The following FGF12 variants were observed in gnomAD, a reference collection of about 807,000 sequenced individuals.
The protein encoded by FGF12 is fibroblast growth factor 12.
A neutral mutation model predicts 23.6 loss-of-function variants in FGF12; 14 were observed. The observed-to-expected ratio is 0.59, with a 90% CI of 0.39 to 0.93. The LOEUF is 0.93. Ranked by LOEUF, FGF12 falls within the 40% of genes least tolerant of loss-of-function variation. The pLI is 0.00. For missense variants in FGF12, 175 were observed against 217.8 expected, an observed-to-expected ratio of 0.80 and a Z score of 1.24; for synonymous variants, 62 against 77.3, an observed-to-expected ratio of 0.80 and a Z score of 1.04.
At chr3:192,704,240 C>G (rs776404237) in intron 2 of FGF12, among the ~76,000 whole-genome samples, 12 of 152,118 alleles carry the variant, frequency 7.9e-5, no homozygotes, top group Non-Finnish European at 5.9e-5. Context: ...CATAATTACT[C>G]TTTGATCCAT....
chr3:192,703,093 T>G (rs1290655796), intron 2 of FGF12, among the ~76,000 whole-genome samples: 1 of 152,206 alleles, frequency 6.6e-6, no homozygotes, highest in Non-Finnish European at 1.5e-5. Flanking sequence ...TGTTTTTATA[T>G]TCCCTCTATC....
At chr3:192,503,893 T>C (rs1724212252) in intron 2 of FGF12, among the ~76,000 whole-genome samples, 1 of 152,162 alleles carries the variant, frequency 6.6e-6, no homozygotes, top group Non-Finnish European at 1.5e-5. Context: ...TATGCATGTA[T>C]ATGTTCATTG....
intron 5 of FGF12, among the ~76,000 whole-genome samples, chr3:192,162,368 A>G (rs1380193306): frequency 6.6e-6 from 1 of 152,140 alleles, no homozygotes; most frequent in Non-Finnish European, 1.5e-5. Context: ...TAACGTTGTG[A>G]ACAAAAGCGT....
At chr3:192,221,515 C>T (rs1170325996) in intron 4 of FGF12, among the ~76,000 whole-genome samples, 2 of 152,154 alleles carry the variant, frequency 1.3e-5, no homozygotes, top group African/African-American at 2.4e-5. Context: ...TTAATAAACA[C>T]CAGTGGTGCT....
At chr3:192,369,592 C>A (rs940919356) in intron 2 of FGF12, among the ~76,000 whole-genome samples, 4 of 152,154 alleles carry the variant, frequency 2.6e-5, no homozygotes, top group African/African-American at 9.7e-5. Flanking sequence ...TGTGAAATGC[C>A]AATAGGGACA....
intron 2 of FGF12, among the ~76,000 whole-genome samples, chr3:192,544,886 C>T (rs1392834502): frequency 2.0e-5 from 3 of 152,144 alleles, no homozygotes; most frequent in Non-Finnish European, 4.4e-5. Flanking sequence ...TGTAAGTCAA[C>T]AGGTCTGTCT....
intron 2 of FGF12, among the ~76,000 whole-genome samples, chr3:192,565,290 C>A (rs1265272063): frequency 6.6e-6 from 1 of 152,184 alleles, no homozygotes; most frequent in Non-Finnish European, 1.5e-5. Flanking sequence ...TAAGACAAAT[C>A]AAATTCTTGC....
At chr3:192,522,213 A>G (rs1418968442) in intron 2 of FGF12, among the ~76,000 whole-genome samples, 1 of 149,116 alleles carries the variant, frequency 6.7e-6, no homozygotes, top group African/African-American at 2.5e-5. Context: ...AAAAAAAAAC[A>G]AAAAAAAACG....
At chr3:192,159,272 A>C (rs1714729143) in intron 5 of FGF12, among the ~76,000 whole-genome samples, 1 of 152,188 alleles carries the variant, frequency 6.6e-6, no homozygotes, top group South Asian at 2.1e-4. Context: ...AAAAGCAAAG[A>C]TCAATTCTCA....
intron 4 of FGF12, among the ~76,000 whole-genome samples, chr3:192,197,807 G>A (rs1216471428): frequency 6.6e-6 from 1 of 152,050 alleles, no homozygotes; most frequent in Non-Finnish European, 1.5e-5. Context: ...TTAGCCGGGC[G>A]TGGTGGTACA....
At chr3:192,332,977 G>A (rs545614342) in intron 4 of FGF12, among the ~76,000 whole-genome samples, 21 of 152,154 alleles carry the variant, frequency 1.4e-4, no homozygotes, top group Non-Finnish European at 2.5e-4. Flanking sequence ...GACTTAAGTC[G>A]AGAGAAGAAC....
chr3:192,279,539 G>A (rs982871926), intron 4 of FGF12, among the ~76,000 whole-genome samples: 8 of 152,050 alleles, frequency 5.3e-5, no homozygotes, highest in African/African-American at 1.9e-4. Flanking sequence ...GCCAGCAAGT[G>A]ATATGGTCAG....
intron 2 of FGF12, among the ~76,000 whole-genome samples, chr3:192,414,069 A>G (rs1721274779): frequency 6.6e-6 from 1 of 152,178 alleles, no homozygotes; most frequent in Admixed American, 6.5e-5. Flanking sequence ...CATCTTCCAA[A>G]ACAGAAAAGA....
chr3:192,158,702 CTCCT>C (rs1439895637), intron 5 of FGF12, among the ~76,000 whole-genome samples: 7 of 52,046 alleles, frequency 1.3e-4, no homozygotes, highest in African/African-American at 4.4e-4. Context: ...CCTTCCTTCC[CTCCT>C]TCCTTCCTTC....
At chr3:192,323,878 C>T (rs1196846724) in intron 4 of FGF12, among the ~76,000 whole-genome samples, 1 of 151,994 alleles carries the variant, frequency 6.6e-6, no homozygotes, top group East Asian at 1.9e-4. Context: ...ATCGCCTGAG[C>T]TCAGGAGATT....
chr3:192,559,106 A>C (rs1329765433), intron 2 of FGF12, among the ~76,000 whole-genome samples: 1 of 151,956 alleles, frequency 6.6e-6, no homozygotes, highest in Non-Finnish European at 1.5e-5. Flanking sequence ...ATGGGACTAC[A>C]TCAAACTAAA....
chr3:192,499,566 C>T (rs1259774498), intron 2 of FGF12, among the ~76,000 whole-genome samples: 11 of 105,076 alleles, frequency 1.0e-4, no homozygotes, highest in African/African-American at 3.6e-4. Context: ...GAGTCTTGCT[C>T]GGTCGCCCAG....
chr3:192,532,930 G>A (rs977028222), intron 2 of FGF12, among the ~76,000 whole-genome samples: 1 of 152,074 alleles, frequency 6.6e-6, no homozygotes, highest in African/African-American at 2.4e-5. Context: ...CTGCAGACAT[G>A]ATCTAGAATT....
At chr3:192,611,219 C>G (rs1428319502) in intron 2 of FGF12, among the ~76,000 whole-genome samples, 1 of 152,034 alleles carries the variant, frequency 6.6e-6, no homozygotes, top group African/African-American at 2.4e-5. Flanking sequence ...CTGCTTTCTG[C>G]TTTGCTTGTA....
Sources: allele counts gnomAD v4.1 joint callset (sites outside exome capture counted in the v4.1 genomes callset), GRCh38; gene constraint gnomAD v4.1.1; transcripts MANE v1.5; gene names NCBI Gene and HGNC (gene_info 2026-07-23, HGNC 2026-07-21).